RASEF: variants seen among roughly 807,000 people sequenced by gnomAD.
RASEF encodes RAS and EF-hand domain containing.
In RASEF, 68 loss-of-function variants were observed where a neutral mutation model predicts 90.1. The observed-to-expected ratio is 0.75, with a 90% confidence interval of 0.62 to 0.92. The LOEUF (loss-of-function observed/expected upper bound fraction) is 0.92. Ranked by LOEUF, RASEF falls within the 40% of genes least tolerant of loss-of-function variation. RASEF has a pLI of 0.00. For missense variants in RASEF, 949 were observed against 937.2 expected, an observed-to-expected ratio of 1.01 and a Z score of -0.16; for synonymous variants, 331 against 345.2, an observed-to-expected ratio of 0.96 and a Z score of 0.46.
chr9:83,182,122 C>A, the RASEF span, among the ~76,000 whole-genome samples: 2 of 152,122 alleles, frequency 1.3e-5, no homozygotes, highest in Middle Eastern at 3.2e-3. Context: ...TGTAACCATG[C>A]GGTAGCTCTA....
At position 83,016,033 on chromosome 9, in the gene RASEF, G is replaced by T. The variant is rs1829337559; in HGVS notation, c.670-133C>A. 12 of 654,850 alleles carry T rather than the reference G, an allele frequency of 1.8e-5. No homozygotes were observed. In the East Asian group the frequency reaches 2.9e-4, roughly 16 times the overall value. The allele number at this position is 654,850 out of a possible 1,614,324, so 40.6% of individuals were successfully genotyped here. ...CTCCTACACAGGGAAGGTGAGAAAG[G>T]ATATCAGAAGGAAACCAATTGACTT... On this transcript the variant is annotated intron_variant, in intron 3 of 16. Transcript: ENST00000376447.
In RASEF at chr9:83,012,470, C is replaced by T. The variant is rs779913157; in HGVS notation, c.807G>A (p.Val269=). 1 of 1,589,378 alleles carries T rather than the reference C, an allele frequency of 6.3e-7. No homozygotes were observed. ...QSKRVSQKED[V]AALKKQIYDL... ...CATAAATTTGTTTTTTCAATGCAGC[C>T]ACATCTTCCTTTTGACTTACGCGTT... Residue 269 remains valine, a synonymous_variant, in exon 5 of 17, where the codon GTG becomes GTA. Coordinates refer to ENST00000376447, the MANE Select transcript of RASEF (RefSeq NM_152573.4).
At chr9:83,130,118 G>C in the RASEF span, among the ~76,000 whole-genome samples, 2 of 152,182 alleles carry the variant, frequency 1.3e-5, no homozygotes, top group African/African-American at 4.8e-5. Context: ...ACATTCTTTA[G>C]AGCTCACATT....
At chr9:83,192,252 A>C in the RASEF span, among the ~76,000 whole-genome samples, 1 of 152,208 alleles carries the variant, frequency 6.6e-6, no homozygotes, top group Admixed American at 6.5e-5. Context: ...AGACACATGC[A>C]TGTGTATATT....
At chr9:83,201,684 G>T in the RASEF span, among the ~76,000 whole-genome samples, 1 of 152,018 alleles carries the variant, frequency 6.6e-6, no homozygotes, top group Non-Finnish European at 1.5e-5. Flanking sequence ...TTAATATGTA[G>T]GTAAGGAATA....
Position 82,997,028 on chromosome 9 carries a change from C to A in RASEF, c.1904G>T (p.Trp635Leu), listed in dbSNP as rs1030043632. ...ATTTCTTACCTCAATCATATCTACC[C>A]ATTCTCGTATGTTAAGAAAGCTTTT... ...CEKSFLNIRE[W>L]VDMIEDAAHE... The change falls in exon 14 of 17, where the codon TGG becomes TTG. Residue 635 changes from tryptophan to leucine, a missense_variant. Trp to Leu is a moderately conservative substitution (Grantham distance 61). Coordinates refer to ENST00000376447, the MANE Select transcript of RASEF (RefSeq NM_152573.4). 2 of 1,592,466 alleles carry A rather than the reference C, an allele frequency of 1.3e-6. No homozygotes were observed. Among genetic ancestry groups the A allele is most frequent in the African/African-American group, 2.7e-5 (2 of 74,506 alleles).
At chr9:83,205,790 G>A in the RASEF span, among the ~76,000 whole-genome samples, 1 of 152,186 alleles carries the variant, frequency 6.6e-6, no homozygotes, top group East Asian at 1.9e-4. Context: ...ATGTTTAAAT[G>A]TTTAAAATGT....
the RASEF span, among the ~76,000 whole-genome samples, chr9:83,202,325 A>G: frequency 7.9e-4 from 121 of 152,344 alleles, no homozygotes; most frequent in Non-Finnish European, 1.3e-3. Context: ...GACAATGATA[A>G]CAAAAGAGAA....
chr9:83,198,568 C>A, the RASEF span, among the ~76,000 whole-genome samples: 4 of 152,178 alleles, frequency 2.6e-5, no homozygotes, highest in African/African-American at 9.7e-5. Flanking sequence ...ATACAGAAGC[C>A]AATCAATGAG....
At chr9:83,069,046 GAGA>G in the RASEF span, among the ~76,000 whole-genome samples, 2,053 of 152,270 alleles carry the variant, frequency 0.013, 49 homozygotes, top group African/African-American at 0.046. Flanking sequence ...TATTACTGTA[GAGA>G]AGAAGTAATG....
intron 1 of RASEF, chr9:83,048,742 A>G: frequency 1.0e-6 from 1 of 984,846 alleles, no homozygotes; most frequent in Non-Finnish European, 1.2e-6. Flanking sequence ...TTGAGAAATG[A>G]AACACTTATG....
chr9:83,215,263 C>T, the RASEF span, among the ~76,000 whole-genome samples: 1 of 152,130 alleles, frequency 6.6e-6, no homozygotes, highest in Non-Finnish European at 1.5e-5. Flanking sequence ...CCATGTGTGA[C>T]CCGATTCTTC....
At chr9:83,109,821 T>A in the RASEF span, among the ~76,000 whole-genome samples, 2 of 152,144 alleles carry the variant, frequency 1.3e-5, no homozygotes, top group African/African-American at 4.8e-5. Flanking sequence ...GCGTTATAAA[T>A]TCCCCCCTCA....
the RASEF span, among the ~76,000 whole-genome samples, chr9:83,190,533 T>G: frequency 2.0e-5 from 3 of 152,222 alleles, no homozygotes; most frequent in Non-Finnish European, 4.4e-5. Flanking sequence ...ATTTTACTTA[T>G]GATTATGGAT....
At chr9:83,191,530 G>T in the RASEF span, among the ~76,000 whole-genome samples, 3 of 152,156 alleles carry the variant, frequency 2.0e-5, no homozygotes, top group African/African-American at 4.8e-5. Context: ...GTATATCTTG[G>T]TCAGAATATT....
the RASEF span, among the ~76,000 whole-genome samples, chr9:83,150,299 G>C: frequency 6.6e-6 from 1 of 152,122 alleles, no homozygotes; most frequent in Non-Finnish European, 1.5e-5. Flanking sequence ...ATGTAGGTGA[G>C]ATTGATTACC....
At position 83,039,662 on chromosome 9, in the gene RASEF, T is replaced by C. The variant is rs184610855; in HGVS notation, c.432-13741A>G. On this transcript the variant is annotated intron_variant, in intron 1 of 16. Coordinates refer to ENST00000376447, the MANE Select transcript of RASEF (RefSeq NM_152573.4). The stretch of plus-strand genomic sequence containing the variant: ...TCTAGAAAGCACAGCAGATTCCATC[T>C]GAACTTTACACGCACCAGCATGCAC... 1.3e-3 allele frequency among the ~76,000 whole-genome samples: 193 copies of C among 152,312 alleles called. 1 individual carries two copies. Among genetic ancestry groups the C allele is most frequent in the Non-Finnish European group, 7.5e-4 (51 of 68,030 alleles).
At chr9:83,063,851 G>C (rs1038064090), upstream of RASEF, among the ~76,000 whole-genome samples, 1 of 152,112 alleles carries the variant, frequency 6.6e-6, no homozygotes, top group Non-Finnish European at 1.5e-5. Flanking sequence ...CTGCTTAATG[G>C]ATATGAGATC....
At chr9:83,015,651 G>C (rs1235332647) in intron 4 of RASEF, among the ~76,000 whole-genome samples, 154 bp downstream of exon 4, 1 of 152,190 alleles carries the variant, frequency 6.6e-6, no homozygotes, top group African/African-American at 2.4e-5. Context: ...CTGCACTCCA[G>C]CCTGGGTGAC....
Sources: gnomAD v4.1 joint callset for allele counts (sites outside exome capture counted in the v4.1 genomes callset) on GRCh38, gnomAD v4.1.1 for gene constraint, MANE v1.5 for transcripts, NCBI Gene and HGNC (gene_info 2026-07-23, HGNC 2026-07-21) for gene names.